GPATCH2: variants seen among roughly 807,000 people sequenced by gnomAD.
GPATCH2 encodes the protein G patch domain-containing protein 2.
Under a neutral mutation model 58.0 loss-of-function variants are expected in GPATCH2, and 51 were observed. That is an observed-to-expected ratio of 0.88 (90% CI 0.70 to 1.11). The LOEUF is 1.11. GPATCH2 is among the 50% of genes most tolerant of loss of function. The pLI is 0.00. For missense variants in GPATCH2, 625 were observed against 652.2 expected, an observed-to-expected ratio of 0.96 and a Z score of 0.45; for synonymous variants, 222 against 218.5, an observed-to-expected ratio of 1.02 and a Z score of -0.14.
At chr1:217,612,064 T>C (rs896115200) in intron 3 of GPATCH2, among the ~76,000 whole-genome samples, 4 of 151,826 alleles carry the variant, frequency 2.6e-5, no homozygotes, top group African/African-American at 9.7e-5. Context: ...CCTGTAGTCC[T>C]AGCTACTCGG....
intron 6 of GPATCH2, among the ~76,000 whole-genome samples, chr1:217,513,904 A>G (rs1450166928): frequency 6.6e-6 from 1 of 151,018 alleles, no homozygotes; most frequent in African/African-American, 2.4e-5. Context: ...GGCTCACTGT[A>G]ACCTCCGCCT....
intron 5 of GPATCH2, among the ~76,000 whole-genome samples, chr1:217,533,348 G>T (rs1478309497): frequency 6.6e-6 from 1 of 152,162 alleles, no homozygotes; most frequent in Non-Finnish European, 1.5e-5. Context: ...TTAAATTCAA[G>T]AATCTACAAG....
At chr1:217,530,613 C>G (rs1664140408) in intron 5 of GPATCH2, among the ~76,000 whole-genome samples, 1 of 152,092 alleles carries the variant, frequency 6.6e-6, no homozygotes, top group South Asian at 2.1e-4. Flanking sequence ...GGGCCATCAC[C>G]ACTTCTTTCA....
chr1:217,442,541 C>T (rs1405690635), intron 9 of GPATCH2, among the ~76,000 whole-genome samples: 2 of 152,064 alleles, frequency 1.3e-5, no homozygotes, highest in African/African-American at 4.8e-5. Context: ...TTTCTTTTGC[C>T]ATATTTCCCC....
chr1:217,466,470 C>T (rs1192338554), intron 8 of GPATCH2, among the ~76,000 whole-genome samples: 1 of 152,158 alleles, frequency 6.6e-6, no homozygotes, highest in East Asian at 1.9e-4. Flanking sequence ...AGCTATCCCT[C>T]TGCCTCTGCC....
intron 5 of GPATCH2, among the ~76,000 whole-genome samples, chr1:217,539,691 A>T (rs1664640397): frequency 6.6e-6 from 1 of 152,200 alleles, no homozygotes; most frequent in African/African-American, 2.4e-5. Context: ...GTAATACATA[A>T]TAAATCTGAA....
At chr1:217,514,053 A>G (rs1465442599) in intron 6 of GPATCH2, among the ~76,000 whole-genome samples, 1 of 150,066 alleles carries the variant, frequency 6.7e-6, no homozygotes, top group Admixed American at 6.6e-5. Context: ...TCTCGAACTC[A>G]TGACCTCAGA....
At position 217,491,716 on chromosome 1, in the gene GPATCH2, C is replaced by T. The variant is rs781713472; in HGVS notation, c.1241G>A (p.Gly414Glu). The change falls in exon 8 of 10, where the codon GGA (glycine) becomes GAA (glutamate). Residue 414 changes from glycine to glutamate, a missense_variant. Physicochemically the swap from Gly to Glu is moderately conservative, Grantham distance 98. Transcript: ENST00000366935. ...TCTCACAGAACAATTTTTCTTGTGT[C>T]CTCTTTCAGCTCGATTATCTCTCAG... is the stretch of plus-strand genomic sequence containing the variant. ...QLLRDNRAER[G>E]HKKNCSVRTA... 1.3e-6 allele frequency: 2 copies of T among 1,513,238 alleles called. No individual in the cohort carries two copies. Among genetic ancestry groups the T allele is most frequent in the South Asian group, 2.3e-5 (2 of 85,744 alleles). 93.7% of individuals were successfully genotyped at this position (1,513,238 alleles called of 1,614,324 possible).
At chr1:217,576,822 C>A (rs2102731895) in intron 5 of GPATCH2, among the ~76,000 whole-genome samples, 1 of 152,214 alleles carries the variant, frequency 6.6e-6, no homozygotes, top group Middle Eastern at 3.4e-3. Context: ...ACTCCATCAG[C>A]CAATTACTGT....
intron 8 of GPATCH2, among the ~76,000 whole-genome samples, chr1:217,459,278 G>A (rs1023074446): frequency 6.6e-6 from 1 of 152,128 alleles, no homozygotes; most frequent in Non-Finnish European, 1.5e-5. Context: ...TGTAGGAAAT[G>A]AACATGAACA....
intron 8 of GPATCH2, among the ~76,000 whole-genome samples, chr1:217,464,599 AC>A (rs1329648503): frequency 6.6e-6 from 1 of 152,226 alleles, no homozygotes; most frequent in African/African-American, 2.4e-5. Flanking sequence ...AAAAACCCAC[AC>A]CAAGGAAAAA....
intron 5 of GPATCH2, among the ~76,000 whole-genome samples, chr1:217,601,061 T>C (rs1452322022): frequency 6.6e-6 from 1 of 152,144 alleles, no homozygotes; most frequent in Non-Finnish European, 1.5e-5. Context: ...GCAGAAAGCA[T>C]GGTATTTCAT....
At chr1:217,592,823 T>C (rs1667654252) in intron 5 of GPATCH2, among the ~76,000 whole-genome samples, 1 of 151,862 alleles carries the variant, frequency 6.6e-6, no homozygotes, top group Non-Finnish European at 1.5e-5. Context: ...CAACAGAAAA[T>C]AAAAGCAGAC....
intron 5 of GPATCH2, among the ~76,000 whole-genome samples, chr1:217,593,218 C>A (rs546882988): frequency 6.6e-6 from 1 of 151,900 alleles, no homozygotes; most frequent in Non-Finnish European, 1.5e-5. Context: ...AACATTAGAC[C>A]ATAGCAGAAG....
chr1:217,556,375 T>C (rs1347120702), intron 5 of GPATCH2, among the ~76,000 whole-genome samples: 2 of 152,208 alleles, frequency 1.3e-5, no homozygotes, highest in East Asian at 3.9e-4. Context: ...TCTCTTTCTA[T>C]TCATTAGTTG....
At chr1:217,630,045 T>C (rs1669665730) in intron 1 of GPATCH2, among the ~76,000 whole-genome samples, 1 of 152,168 alleles carries the variant, frequency 6.6e-6, no homozygotes, top group African/African-American at 2.4e-5. Context: ...TGTTTGAGGA[T>C]TTTCAATGGG....
chr1:217,537,958 C>G (rs141651081), intron 5 of GPATCH2, among the ~76,000 whole-genome samples: 2 of 152,220 alleles, frequency 1.3e-5, no homozygotes, highest in South Asian at 4.1e-4. Context: ...ATTACACAGA[C>G]TTTACCTCCT....
intron 5 of GPATCH2, among the ~76,000 whole-genome samples, chr1:217,595,233 T>C (rs1558511213): frequency 6.6e-6 from 1 of 152,164 alleles, no homozygotes; most frequent in Non-Finnish European, 1.5e-5. Context: ...TTCAATATCA[T>C]TTATAATTTT....
At chr1:217,526,442 C>T (rs1471077416) in intron 5 of GPATCH2, among the ~76,000 whole-genome samples, 2 of 151,784 alleles carry the variant, frequency 1.3e-5, no homozygotes, top group African/African-American at 4.8e-5. Context: ...GGAAAAAGTA[C>T]AAAAGTACAA....
Sources: gnomAD v4.1 joint callset for allele counts (sites outside exome capture counted in the v4.1 genomes callset) on GRCh38, gnomAD v4.1.1 for gene constraint, MANE v1.5 for transcripts, NCBI Gene and HGNC (gene_info 2026-07-23, HGNC 2026-07-21) for gene names.